The following SLC60A2 variants were observed in gnomAD, a reference collection of about 807,000 sequenced individuals.
SLC60A2 encodes major facilitator superfamily domain containing 4B.
the SLC60A2 span, chr6:111,266,560 T>C: frequency 6.8e-6 from 11 of 1,614,112 alleles, no homozygotes; most frequent in African/African-American, 2.7e-5. Context: ...GGGGCTTCAA[T>C]GGCAACCACA....
the SLC60A2 span, chr6:111,259,386 C>G: frequency 1.9e-5 from 7 of 370,842 alleles, no homozygotes; most frequent in African/African-American, 4.2e-5. Flanking sequence ...TGCCGAAGTT[C>G]CTCTTCTCTG....
At chr6:111,262,463 A>G in the SLC60A2 span, 1 of 1,555,342 alleles carries the variant, frequency 6.4e-7, no homozygotes, top group African/African-American at 1.4e-5. Flanking sequence ...TATGACTGTC[A>G]AGTGAATTTA....
the SLC60A2 span, chr6:111,266,084 T>G: frequency 1.2e-6 from 2 of 1,614,196 alleles, no homozygotes; most frequent in Non-Finnish European, 1.7e-6. Context: ...AAGCTCTGTT[T>G]GGAGTACCTA....
chr6:111,271,589 C>A, the SLC60A2 span, among the ~76,000 whole-genome samples: 2 of 150,564 alleles, frequency 1.3e-5, no homozygotes, highest in South Asian at 4.2e-4. Flanking sequence ...TTTAAAAAAA[C>A]CTAATTGGGA....
At chr6:111,269,411 G>T in the SLC60A2 span, 1 of 152,180 alleles carries the variant, frequency 6.6e-6, no homozygotes, top group Non-Finnish European at 1.5e-5. Flanking sequence ...TGTTACCTAG[G>T]CTGATCTCAA....
At chr6:111,274,982 G>A in the SLC60A2 span, among the ~76,000 whole-genome samples, 1 of 151,920 alleles carries the variant, frequency 6.6e-6, no homozygotes, top group Non-Finnish European at 1.5e-5. Context: ...GAGTGCAGTG[G>A]TGTGATCATA....
chr6:111,266,982 A>G, the SLC60A2 span: 2 of 1,614,242 alleles, frequency 1.2e-6, no homozygotes, highest in East Asian at 2.2e-5. Context: ...ATCTAGAAGT[A>G]GTCTGACGGA....
chr6:111,259,576 C>G, the SLC60A2 span: 3 of 1,075,506 alleles, frequency 2.8e-6, no homozygotes, highest in South Asian at 1.7e-5. Flanking sequence ...GCCGGGCCCC[C>G]GGCTGCGGGG....
the SLC60A2 span, chr6:111,259,457 G>A: frequency 7.1e-6 from 3 of 425,418 alleles, no homozygotes; most frequent in South Asian, 5.7e-5. Flanking sequence ...GCCTGGGGTC[G>A]GGGCCAGTGC....
chr6:111,264,226 T>C, the SLC60A2 span, among the ~76,000 whole-genome samples: 337 of 152,314 alleles, frequency 2.2e-3, 1 homozygote, highest in African/African-American at 7.8e-3. Context: ...GTGTGGGTAA[T>C]TACAGTGCAG....
chr6:111,265,209 G>T, the SLC60A2 span: 2 of 830,802 alleles, frequency 2.4e-6, no homozygotes, highest in African/African-American at 1.9e-5. Flanking sequence ...TTACTTTAGG[G>T]TTAATTTTGT....
the SLC60A2 span, chr6:111,270,337 A>G: frequency 6.6e-6 from 1 of 152,198 alleles, no homozygotes; most frequent in Non-Finnish European, 1.5e-5. Flanking sequence ...ACCTTAGAGC[A>G]TGCCTGCCAC....
the SLC60A2 span, chr6:111,263,938 T>A: frequency 6.5e-7 from 1 of 1,548,082 alleles, no homozygotes; most frequent in East Asian, 2.2e-5. Context: ...ATTGGCATTC[T>A]GGATACAGGT....
chr6:111,271,573 T>C, the SLC60A2 span, among the ~76,000 whole-genome samples: 1 of 151,850 alleles, frequency 6.6e-6, no homozygotes, highest in South Asian at 2.1e-4. Context: ...AATTATAGTT[T>C]ATTTTTTTAA....
the SLC60A2 span, chr6:111,259,429 G>T: frequency 3.7e-5 from 15 of 404,174 alleles, no homozygotes; most frequent in Admixed American, 2.2e-4. Flanking sequence ...GGGAGGTGGC[G>T]CCCGGAGGGA....
the SLC60A2 span, among the ~76,000 whole-genome samples, chr6:111,273,991 A>G: frequency 6.6e-6 from 1 of 150,606 alleles, no homozygotes; most frequent in Non-Finnish European, 1.5e-5. Flanking sequence ...AAGTGCTGAA[A>G]TTACAGGCAT....
At chr6:111,266,605 C>T in the SLC60A2 span, 41 of 1,614,200 alleles carry the variant, frequency 2.5e-5, no homozygotes, top group Middle Eastern at 1.6e-4. Context: ...GAGCAGTACA[C>T]GACCATCCAT....
chr6:111,261,710 C>T, the SLC60A2 span, among the ~76,000 whole-genome samples: 47 of 152,300 alleles, frequency 3.1e-4, no homozygotes, highest in African/African-American at 1.1e-3. Flanking sequence ...TCTCCTGCCT[C>T]AGCCTCCCGA....
At chr6:111,275,953 C>G in the SLC60A2 span, among the ~76,000 whole-genome samples, 3 of 152,162 alleles carry the variant, frequency 2.0e-5, no homozygotes, top group Non-Finnish European at 1.5e-5. Context: ...CCATCCCAGC[C>G]CTTGTCAACC....
Sources: allele counts gnomAD v4.1 joint callset (sites outside exome capture counted in the v4.1 genomes callset), GRCh38; gene constraint gnomAD v4.1.1; transcripts MANE v1.5; gene names NCBI Gene and HGNC (gene_info 2026-07-23, HGNC 2026-07-21).